LINGO2: variants seen among roughly 807,000 people sequenced by gnomAD.
The protein encoded by LINGO2 is leucine rich repeat and Ig domain containing 2, also known as leucine-rich repeat and immunoglobulin-like domain-containing nogo receptor-interacting protein 2.
LINGO2 carries 14 observed loss-of-function variants against 30.6 expected under a neutral mutation model. The observed-to-expected ratio is 0.46, with a 90% confidence interval of 0.30 to 0.72. LINGO2 has a LOEUF of 0.72. LINGO2 is among the 30% of genes least tolerant of loss of function. The pLI is 0.07. For missense variants in LINGO2, 729 were observed against 751.7 expected (o/e 0.97, Z 0.35); for synonymous variants, 317 against 288.5 (o/e 1.10, Z -1.00).
At chr9:28,155,819 G>A (rs1014248060) in intron 4 of LINGO2, among the ~76,000 whole-genome samples, 5 of 152,068 alleles carry the variant, frequency 3.3e-5, no homozygotes, top group Non-Finnish European at 7.4e-5. Flanking sequence ...TTATAAAATA[G>A]ACCATAGGAA....
At chr9:29,045,274 G>A in the LINGO2 span, among the ~76,000 whole-genome samples, 2 of 152,000 alleles carry the variant, frequency 1.3e-5, no homozygotes, top group Non-Finnish European at 2.9e-5. Context: ...ACTATTTTCA[G>A]ACCGCAATTG....
At chr9:29,090,057 T>C in the LINGO2 span, among the ~76,000 whole-genome samples, 5 of 152,158 alleles carry the variant, frequency 3.3e-5, no homozygotes, top group Non-Finnish European at 5.9e-5. Flanking sequence ...TCTAAAGATA[T>C]ATTAAATTAT....
In LINGO2 at chr9:28,257,586, T is replaced by G. The variant is rs185300672; in HGVS notation, c.-87+37622A>C. ...AATAATTCCATAAGTAAGATAACAT[T>G]TTGGCAATGATGGATATCTCAAAAT... On this transcript the variant is annotated intron_variant, in intron 4 of 5. Transcript: ENST00000379992. Among the ~76,000 whole-genome samples the G allele has an allele frequency of 1.5e-3, 222 of 152,026 alleles. 2 individuals carry two copies. Among genetic ancestry groups the G allele is most frequent in the African/African-American group, 5.1e-3 (212 of 41,552 alleles).
the LINGO2 span, among the ~76,000 whole-genome samples, chr9:29,013,355 C>G: frequency 6.6e-6 from 1 of 151,012 alleles, no homozygotes; most frequent in Non-Finnish European, 1.5e-5. Flanking sequence ...CAACTTATAC[C>G]TTAAGAGAGC....
intron 1 of LINGO2, among the ~76,000 whole-genome samples, chr9:28,509,276 C>T (rs1231275312): frequency 6.6e-6 from 1 of 152,168 alleles, no homozygotes; most frequent in Non-Finnish European, 1.5e-5. Flanking sequence ...TTCACATTTT[C>T]GCTCGGACAT....
intron 1 of LINGO2, among the ~76,000 whole-genome samples, chr9:28,634,989 T>C (rs1827190425): frequency 6.6e-6 from 1 of 152,198 alleles, no homozygotes; most frequent in African/African-American, 2.4e-5. Flanking sequence ...TTACCATGTG[T>C]GGCTGTAAGC....
intron 5 of LINGO2, among the ~76,000 whole-genome samples, chr9:27,977,808 G>A (rs1024574476): frequency 1.3e-5 from 2 of 151,504 alleles, no homozygotes; most frequent in African/African-American, 2.4e-5. Context: ...AAAAGGAAGA[G>A]AAAACAAGAA....
chr9:27,971,227 C>T (rs1820336763), intron 5 of LINGO2, among the ~76,000 whole-genome samples: 1 of 151,156 alleles, frequency 6.6e-6, no homozygotes, highest in Admixed American at 6.6e-5. Context: ...TTTTCTTGTC[C>T]TTACTGTTTC....
the LINGO2 span, among the ~76,000 whole-genome samples, chr9:28,839,336 T>A: frequency 5.9e-5 from 9 of 152,074 alleles, no homozygotes; most frequent in African/African-American, 2.2e-4. Flanking sequence ...TGAGCAACAG[T>A]ACAACTCTCA....
chr9:28,049,883 AAG>A (rs1824593563), intron 4 of LINGO2, among the ~76,000 whole-genome samples: 1 of 150,722 alleles, frequency 6.6e-6, no homozygotes, highest in South Asian at 2.1e-4. Flanking sequence ...TTTTTAAATC[AAG>A]AGAGCAACAT....
At chr9:28,253,167 T>C (rs1465962304) in intron 4 of LINGO2, among the ~76,000 whole-genome samples, 2 of 152,078 alleles carry the variant, frequency 1.3e-5, no homozygotes, top group South Asian at 2.1e-4. Context: ...TTATAGTACA[T>C]ATATTGATTT....
At chr9:28,884,995 AT>A in the LINGO2 span, among the ~76,000 whole-genome samples, 179 of 5,596 alleles carry the variant, frequency 0.032, 9 homozygotes, top group African/African-American at 0.06. Flanking sequence ...ATAATAATAT[AT>A]TATATATATA....
At chr9:28,936,133 T>C in the LINGO2 span, among the ~76,000 whole-genome samples, 1 of 152,190 alleles carries the variant, frequency 6.6e-6, no homozygotes, top group Non-Finnish European at 1.5e-5. Context: ...AATCATTATC[T>C]ATTATTAACT....
chr9:28,048,666 C>T (rs191587205), intron 4 of LINGO2, among the ~76,000 whole-genome samples: 1 of 150,474 alleles, frequency 6.6e-6, no homozygotes, highest in Non-Finnish European at 1.5e-5. Context: ...AATATATGCA[C>T]AGAACACTTA....
chr9:28,695,095 A>G, the LINGO2 span, among the ~76,000 whole-genome samples: 1 of 151,912 alleles, frequency 6.6e-6, no homozygotes, highest in Non-Finnish European at 1.5e-5. Context: ...GTTATAGTAC[A>G]GAACAAGAAA....
the LINGO2 span, among the ~76,000 whole-genome samples, chr9:28,944,551 G>A: frequency 1.3e-5 from 2 of 151,270 alleles, no homozygotes; most frequent in Admixed American, 1.3e-4. Flanking sequence ...GATTACAGGC[G>A]CCTGCCACCA....
At chr9:28,431,770 A>G (rs1018594324) in intron 2 of LINGO2, among the ~76,000 whole-genome samples, 5 of 152,222 alleles carry the variant, frequency 3.3e-5, no homozygotes, top group African/African-American at 9.6e-5. Flanking sequence ...CAGAAGTTCA[A>G]TTATCTTAAA....
intron 4 of LINGO2, among the ~76,000 whole-genome samples, chr9:28,061,965 T>C (rs1825158289): frequency 6.6e-6 from 1 of 152,110 alleles, no homozygotes; most frequent in Non-Finnish European, 1.5e-5. Context: ...CTACCAATAA[T>C]GATGAAATAT....
rs993904884 is a variant in LINGO2 at position 28,215,923 on chromosome 9, C to T, written c.-87+79285G>A. 1.1e-4 allele frequency among the ~76,000 whole-genome samples: 16 copies of T among 151,980 alleles called. No homozygotes were observed. The South Asian group carries it at 2.9e-3, about 28-fold the overall frequency. ...CAGAGAAAGAATAAAGAAGCAAACA[C>T]TGTGAGCTATGAGAGTCACTCAGAG... is the stretch of plus-strand genomic sequence containing the variant. On this transcript the variant is annotated intron_variant, in intron 4 of 5. Transcript: ENST00000379992.
Sources: allele counts gnomAD v4.1 joint callset (sites outside exome capture counted in the v4.1 genomes callset), GRCh38; gene constraint gnomAD v4.1.1; transcripts MANE v1.5; gene names NCBI Gene and HGNC (gene_info 2026-07-23, HGNC 2026-07-21).